The following PTPRD variants were observed in gnomAD, a reference collection of about 807,000 sequenced individuals.
PTPRD encodes receptor-type tyrosine-protein phosphatase delta.
PTPRD carries 34 observed loss-of-function variants against 214.5 expected under a neutral mutation model. The ratio of observed to expected loss-of-function variants is 0.16; its 90% CI spans 0.12 to 0.21. The LOEUF (loss-of-function observed/expected upper bound fraction) is 0.21. PTPRD is among the 10% of genes least tolerant of loss of function. The pLI is 1.00. For synonymous variants in PTPRD, 1,128 were observed against 845.7 expected (o/e 1.33, Z -5.79); for missense variants, 2,545 against 2,398.7 (o/e 1.06, Z -1.27).
rs189718258 is a variant in PTPRD, at chr9:8,574,411, T to C, written c.353-45632A>G. Among the ~76,000 whole-genome samples, 778 of 152,092 alleles carry C rather than the reference T, an allele frequency of 5.1e-3. 1 individual carries two copies. The highest frequency in any genetic ancestry group is 9.2e-3 in the Non-Finnish European group (625 of 67,866). On this transcript the variant is annotated intron_variant, in intron 14 of 45. Coordinates refer to ENST00000381196, the MANE Select transcript of PTPRD (RefSeq NM_002839.4). ...ACATTTTAATTCATGATGATGATAG[T>C]TGGGAGGCCCTAAAAATTGGTCCAA...
At chr9:10,198,869 A>G (rs913686325) in intron 3 of PTPRD, among the ~76,000 whole-genome samples, 4 of 152,086 alleles carry the variant, frequency 2.6e-5, no homozygotes, top group Admixed American at 6.6e-5. Flanking sequence ...TGCTCATTGT[A>G]TACAAGTTGA....
At chr9:8,554,482 T>G (rs2083108820) in intron 14 of PTPRD, among the ~76,000 whole-genome samples, 1 of 151,868 alleles carries the variant, frequency 6.6e-6, no homozygotes, top group South Asian at 2.1e-4. Flanking sequence ...AAACTTGGAG[T>G]GTAGCATGTG....
At chr9:10,229,846 G>A (rs557786436) in intron 3 of PTPRD, among the ~76,000 whole-genome samples, 1 of 151,478 alleles carries the variant, frequency 6.6e-6, no homozygotes, top group Non-Finnish European at 1.5e-5. Flanking sequence ...AAAACTTAAA[G>A]TATAATAATA....
At chr9:8,607,121 T>C (rs750979705) in intron 14 of PTPRD, among the ~76,000 whole-genome samples, 23 of 152,312 alleles carry the variant, frequency 1.5e-4, no homozygotes, top group Non-Finnish European at 2.6e-4. Context: ...TTGTAGAACA[T>C]GGTGAGTATA....
chr9:10,157,500 G>A (rs1034065498), intron 3 of PTPRD, among the ~76,000 whole-genome samples: 13 of 152,124 alleles, frequency 8.5e-5, no homozygotes, highest in Admixed American at 7.2e-4. Context: ...TGAGAGGTCT[G>A]GTGTTAGTCT....
intron 2 of PTPRD, among the ~76,000 whole-genome samples, chr9:10,401,676 A>G (rs1268305960): frequency 6.7e-6 from 1 of 148,774 alleles, no homozygotes; most frequent in Non-Finnish European, 1.5e-5. Flanking sequence ...TCACAGACAT[A>G]CTGTATGTAC....
chr9:10,375,817 T>C (rs1378476387), intron 2 of PTPRD, among the ~76,000 whole-genome samples: 3 of 152,008 alleles, frequency 2.0e-5, no homozygotes, highest in African/African-American at 7.2e-5. Flanking sequence ...GAATAAGAGA[T>C]AGTGTTCACA....
At chr9:9,845,472 G>A (rs890756017) in intron 5 of PTPRD, among the ~76,000 whole-genome samples, 2 of 151,612 alleles carry the variant, frequency 1.3e-5, no homozygotes, top group Admixed American at 6.6e-5. Context: ...AAGCTCATGA[G>A]CATATACGTG....
intron 7 of PTPRD, among the ~76,000 whole-genome samples, chr9:9,711,469 G>A (rs978314419): frequency 6.6e-6 from 1 of 151,986 alleles, no homozygotes; most frequent in Non-Finnish European, 1.5e-5. Context: ...AACAAAAACA[G>A]GCTAAAATAA....
At chr9:9,871,695 C>G (rs536580240) in intron 5 of PTPRD, among the ~76,000 whole-genome samples, 149 of 150,800 alleles carry the variant, frequency 9.9e-4, no homozygotes, top group African/African-American at 3.5e-3. Flanking sequence ...AGTGCAGGGG[C>G]AGAGGGTATG....
At chr9:9,218,063 A>C (rs2099953456) in intron 9 of PTPRD, among the ~76,000 whole-genome samples, 1 of 152,152 alleles carries the variant, frequency 6.6e-6, no homozygotes, top group African/African-American at 2.4e-5. Flanking sequence ...CTATCTGTTT[A>C]AGGAACACCT....
intron 11 of PTPRD, among the ~76,000 whole-genome samples, chr9:8,825,003 C>G (rs2097147610): frequency 6.6e-6 from 1 of 152,158 alleles, no homozygotes; most frequent in African/African-American, 2.4e-5. Flanking sequence ...TTTACATAGG[C>G]TTTTTAAAAA....
At chr9:10,465,110 G>A (rs543505194) in intron 2 of PTPRD, among the ~76,000 whole-genome samples, 1 of 152,086 alleles carries the variant, frequency 6.6e-6, no homozygotes, top group African/African-American at 2.4e-5. Context: ...GCCTTGGAAG[G>A]TATCAGATTA....
chr9:9,272,055 T>A (rs1299621637), intron 9 of PTPRD, among the ~76,000 whole-genome samples: 2 of 148,836 alleles, frequency 1.3e-5, no homozygotes, highest in Non-Finnish European at 3.0e-5. Flanking sequence ...AGTCAAAACT[T>A]TTTTTTTTGA....
At chr9:9,134,387 C>T (rs919666158) in intron 10 of PTPRD, among the ~76,000 whole-genome samples, 1 of 152,118 alleles carries the variant, frequency 6.6e-6, no homozygotes, top group Admixed American at 6.5e-5. Flanking sequence ...ATTCTTGACT[C>T]TCTTTTCCTC....
intron 8 of PTPRD, among the ~76,000 whole-genome samples, chr9:9,525,413 A>G (rs1018137117): frequency 1.3e-5 from 2 of 152,208 alleles, no homozygotes; most frequent in African/African-American, 4.8e-5. Context: ...TTCCTTTTAC[A>G]TAAAGTAAAA....
intron 43 of PTPRD, 108 bp downstream of exon 43, chr9:8,338,814 T>A (rs58119872): frequency 9.9e-7 from 1 of 1,007,648 alleles, no homozygotes; most frequent in Non-Finnish European, 1.4e-6. Context: ...TGATTTCTCT[T>A]TGGGACAACA....
At chr9:10,130,982 A>G (rs934119003) in intron 3 of PTPRD, among the ~76,000 whole-genome samples, 1 of 152,172 alleles carries the variant, frequency 6.6e-6, no homozygotes, top group African/African-American at 2.4e-5. Flanking sequence ...ATAGATCCCT[A>G]AAGCTCTATA....
At chr9:10,557,701 T>A (rs1159535802) in intron 2 of PTPRD, among the ~76,000 whole-genome samples, 6 of 152,150 alleles carry the variant, frequency 3.9e-5, no homozygotes, top group Non-Finnish European at 8.8e-5. Context: ...ACCAGTCTAC[T>A]GCAGCAACAT....
Sources: allele counts gnomAD v4.1 joint callset (sites outside exome capture counted in the v4.1 genomes callset), GRCh38; gene constraint gnomAD v4.1.1; transcripts MANE v1.5; gene names NCBI Gene and HGNC (gene_info 2026-07-23, HGNC 2026-07-21).